Variants in FASTKD1 observed in about 807,000 individuals in gnomAD.
FASTKD1 encodes the protein FAST kinase domains 1.
Under a neutral mutation model 90.9 loss-of-function variants are expected in FASTKD1, and 94 were observed. That is an observed-to-expected ratio of 1.03 (90% CI 0.88 to 1.23). The LOEUF is 1.23. FASTKD1 is among the 50% of genes most tolerant of loss of function. The pLI is 0.00. For missense variants in FASTKD1, 945 were observed against 993.5 expected, an observed-to-expected ratio of 0.95 and a Z score of 0.66; for synonymous variants, 319 against 345.8, an observed-to-expected ratio of 0.92 and a Z score of 0.86.
Position 169,544,213 on chromosome 2 carries a change from A to G in FASTKD1, c.1816+508T>C, listed in dbSNP as rs1003106474. ...ATTATTGAATCTACACGGTGAGTAT[A>G]TATGTGTTCTTTGTTTAATTCTTTA... On this transcript the variant is annotated intron_variant, in intron 9 of 14. Transcript: ENST00000453153. Among the ~76,000 whole-genome samples, 5 of 152,202 alleles carry G rather than the reference A, an allele frequency of 3.3e-5. No homozygotes were observed. In the South Asian group the frequency reaches 8.3e-4, roughly 25 times the overall value.
chr2:169,537,977 T>A (rs2290005), intron 11 of FASTKD1, 36 bp downstream of exon 11: 601,671 of 1,559,828 alleles, frequency 0.39, 120,674 homozygotes, highest in East Asian at 0.47. Flanking sequence ...TACTTTAGAA[T>A]CAAACTTTGC....
Position 169,540,110 on chromosome 2 carries a change from T to A in FASTKD1, c.1886A>T (p.Asp629Val). Residue 629 changes from aspartate to valine, a missense_variant, in exon 10 of 15, where the codon GAT becomes GTT. Physicochemically the swap from Asp to Val is radical, Grantham distance 152. Coordinates refer to ENST00000453153, the MANE Select transcript of FASTKD1 (RefSeq NM_024622.6). The stretch of plus-strand genomic sequence containing the variant: ...GATGTTAAAAATTGCCTTTAGCAGA[T>A]CTTCTGGAAAATATTCAAGTGTGGC... ...SLATLEYFPE[D>V]LLKAIFNIKF... 6.2e-7 allele frequency: 1 copy of A among 1,610,664 alleles called. No individual in the cohort carries two copies. The highest frequency in any genetic ancestry group is 1.1e-5 in the South Asian group (1 of 90,210).
intron 7 of FASTKD1, among the ~76,000 whole-genome samples, chr2:169,552,477 C>T (rs1327111064): frequency 6.6e-6 from 1 of 152,030 alleles, no homozygotes; most frequent in Non-Finnish European, 1.5e-5. Flanking sequence ...AACCTAAATG[C>T]CCATTGACTA....
intron 6 of FASTKD1, 44 bp downstream of exon 6, chr2:169,557,143 G>T: frequency 3.2e-6 from 4 of 1,255,642 alleles, no homozygotes; most frequent in Non-Finnish European, 4.7e-6. Flanking sequence ...ATAGGTGCTT[G>T]TGAATGACAA....
chr2:169,537,260 C>A lies in FASTKD1; in HGVS notation c.2155G>T (p.Ala719Ser), dbSNP rs1237554669. Reference protein sequence around the residue: ...EVLGGINCVKASVLTPYYHKV... With the variant: ...EVLGGINCVKSSVLTPYYHKV... ...TGGTAATAAGGCGTAAGAACCGAGGCTTTTACACAATTGATTCCTCCTAGT... is the reference window on the plus strand; with the variant it reads ...TGGTAATAAGGCGTAAGAACCGAGGATTTTACACAATTGATTCCTCCTAGT... The change falls in exon 12 of 15, where the codon GCC becomes TCC. Residue 719 changes from alanine to serine, a missense_variant. Physicochemically the swap from Ala to Ser is moderately conservative, Grantham distance 99. Coordinates refer to ENST00000453153, the MANE Select transcript of FASTKD1 (RefSeq NM_024622.6). 2.5e-6 allele frequency: 4 copies of A among 1,612,562 alleles called. No individual in the cohort carries two copies. The East Asian group carries it at 8.9e-5, about 36-fold the overall frequency.
intron 3 of FASTKD1, among the ~76,000 whole-genome samples, chr2:169,565,133 T>C (rs994137238): frequency 3.3e-5 from 5 of 151,372 alleles, no homozygotes; most frequent in Non-Finnish European, 7.4e-5. Context: ...TTTGTATTTT[T>C]AGTAGAGACA....
chr2:169,552,874 C>A (rs1280688353), intron 7 of FASTKD1, among the ~76,000 whole-genome samples: 2 of 152,178 alleles, frequency 1.3e-5, no homozygotes, highest in South Asian at 4.1e-4. Flanking sequence ...TAACAAAAAA[C>A]CACTTGTACC....
chr2:169,536,448 A>G (rs1454667873), intron 12 of FASTKD1, among the ~76,000 whole-genome samples: 1 of 152,100 alleles, frequency 6.6e-6, no homozygotes, highest in African/African-American at 2.4e-5. Context: ...AATAGAATAC[A>G]ATGGGATTAC....
chr2:169,566,123 G>T (rs1683967592), intron 3 of FASTKD1, among the ~76,000 whole-genome samples: 1 of 152,092 alleles, frequency 6.6e-6, no homozygotes, highest in Middle Eastern at 3.2e-3. Context: ...CTACCCTTCT[G>T]TGTACTCTCG....
chr2:169,561,739 T>C (rs901024228), intron 4 of FASTKD1, among the ~76,000 whole-genome samples: 2 of 147,482 alleles, frequency 1.4e-5, no homozygotes, highest in South Asian at 2.1e-4. Flanking sequence ...TATAAATTAA[T>C]TATTCATTAT....
At chr2:169,562,543 T>C (rs534439595) in intron 4 of FASTKD1, among the ~76,000 whole-genome samples, 2 of 152,256 alleles carry the variant, frequency 1.3e-5, no homozygotes, top group South Asian at 4.1e-4. Flanking sequence ...AATGAATTCA[T>C]ACTTAATTTA....
rs35866271 is a variant in FASTKD1, at chr2:169,538,675, C to CA, written c.1946-535dup. Among the ~76,000 whole-genome samples the CA allele has an allele frequency of 7.7e-4, 70 of 90,918 alleles. 1 individual carries two copies. Among genetic ancestry groups the CA allele is most frequent in the South Asian group, 2.4e-3 (6 of 2,534 alleles). The allele number at this position is 90,918 out of a possible 152,430, so 59.6% of individuals were successfully genotyped here. A position where few individuals can be genotyped will look rare whatever the true frequency, so the allele number is the denominator to read the frequency against. ...GGGCAACAAGAGCAAAACTCCGTCT[C>CA]AAAAAAAAAAAAAAAAAAAAAATAC... On this transcript the variant is annotated intron_variant, in intron 10 of 14. Transcript: ENST00000453153.
intron 12 of FASTKD1, among the ~76,000 whole-genome samples, chr2:169,532,550 C>A (rs189903869): frequency 6.6e-6 from 1 of 151,692 alleles, no homozygotes; most frequent in African/African-American, 2.4e-5. Flanking sequence ...CTAATCAAAT[C>A]TCTAGATATC....
At chr2:169,563,030 G>A (rs1168675749) in intron 4 of FASTKD1, among the ~76,000 whole-genome samples, 195 bp downstream of exon 4, 2 of 152,116 alleles carry the variant, frequency 1.3e-5, no homozygotes, top group East Asian at 3.8e-4. Flanking sequence ...TACACTTTAT[G>A]TACCTTATGT....
rs1027757151 is a variant in FASTKD1, at chr2:169,554,116, A to C, written c.1214+1008T>G. ...TGAGACCCCCATCTCTACAAAAAAAAAAAAAATTAGCCAAGTTTGGTAGCA... is the reference window on the plus strand; with the variant it reads ...TGAGACCCCCATCTCTACAAAAAAACAAAAAATTAGCCAAGTTTGGTAGCA... On this transcript the variant is annotated intron_variant, in intron 7 of 14. Transcript: ENST00000453153. 3.4e-5 allele frequency among the ~76,000 whole-genome samples: 5 copies of C among 148,746 alleles called. 1 individual carries two copies. Among genetic ancestry groups the C allele is most frequent in the African/African-American group, 9.9e-5 (4 of 40,256 alleles).
intron 13 of FASTKD1, 182 bp from the exon 14 acceptor site, chr2:169,530,883 A>G (rs1159758797): frequency 2.9e-6 from 2 of 679,692 alleles, no homozygotes; most frequent in African/African-American, 3.5e-5. Flanking sequence ...TTAGTTACAC[A>G]AAATTATTGT....
At chr2:169,532,451 G>C (rs141934764) in intron 12 of FASTKD1, among the ~76,000 whole-genome samples, 1 of 150,660 alleles carries the variant, frequency 6.6e-6, no homozygotes, top group African/African-American at 2.4e-5. Flanking sequence ...AACCAGCCTT[G>C]TGTGCCTCCT....
chr2:169,535,725 C>G (rs565975461), intron 12 of FASTKD1, among the ~76,000 whole-genome samples: 128 of 152,244 alleles, frequency 8.4e-4, no homozygotes, highest in Non-Finnish European at 2.4e-4. Context: ...GTTCACCTTC[C>G]TGCCCAGTGC....
In FASTKD1 at chr2:169,564,253, TTA is replaced by T. The variant is rs1365758922; in HGVS notation, c.447-905_447-904del. Among the ~76,000 whole-genome samples the T allele has an allele frequency of 2.0e-5, 3 of 152,072 alleles. No homozygotes were observed. The East Asian group carries it at 5.8e-4, about 29-fold the overall frequency. On this transcript the variant is annotated intron_variant, in intron 3 of 14. Transcript: ENST00000453153. ...AAATAAACTGCCTATAAAAAGACCT[TTA>T]TAAGACAATCAACAAAATTTGAACA...
Sources: allele counts gnomAD v4.1 joint callset (sites outside exome capture counted in the v4.1 genomes callset), GRCh38; gene constraint gnomAD v4.1.1; transcripts MANE v1.5; gene names NCBI Gene and HGNC (gene_info 2026-07-23, HGNC 2026-07-21).